USH2A: variants seen among roughly 807,000 people sequenced by gnomAD.
The protein encoded by USH2A is Usher syndrome 2A (autosomal recessive, mild).
A neutral mutation model predicts 538.9 loss-of-function variants in USH2A; 443 were observed. The observed-to-expected ratio is 0.82, with a 90% CI of 0.76 to 0.89. The LOEUF (loss-of-function observed/expected upper bound fraction) is 0.89, where lower values mean the gene tolerates loss of function less well. Ranked by LOEUF, USH2A falls within the 40% of genes least tolerant of loss-of-function variation. The pLI, the probability that USH2A is intolerant of heterozygous loss-of-function variation, is 0.00. For synonymous variants in USH2A, 2,413 were observed against 2,273.5 expected, an observed-to-expected ratio of 1.06 and a Z score of -1.75; for missense variants, 6,633 against 6,324.8, an observed-to-expected ratio of 1.05 and a Z score of -1.65.
At chr1:216,385,970 A>G (rs2038996705) in intron 3 of USH2A, among the ~76,000 whole-genome samples, 1 of 152,180 alleles carries the variant, frequency 6.6e-6, no homozygotes. Context: ...ATGAGAAGAA[A>G]TCACAACTTT....
chr1:216,246,604 C>A lies in USH2A; in HGVS notation c.2790G>T (p.Arg930Ser). 1 of 1,614,054 alleles carries A rather than the reference C, an allele frequency of 6.2e-7. No homozygotes were observed. The highest frequency in any genetic ancestry group is 1.1e-5 in the South Asian group (1 of 91,086). ...TCTTACCTGGTTGACACTGATTACA[C>A]CTTCTTCCTTGACGATTAGGCACAC... is the stretch of plus-strand genomic sequence containing the variant. ...CLCVPNRQGR[R>S]CNQCQPGFYI... Residue 930 changes from arginine (R) to serine (S), a missense_variant, in exon 13 of 72, where the codon AGG becomes AGT. By Grantham distance (110) the Arg-to-Ser change is moderately radical. Coordinates refer to ENST00000307340, the MANE Select transcript of USH2A (RefSeq NM_206933.4).
intron 35 of USH2A, among the ~76,000 whole-genome samples, chr1:215,989,897 T>C (rs1297198679): frequency 1.3e-5 from 2 of 152,110 alleles, no homozygotes; most frequent in Non-Finnish European, 1.5e-5. Context: ...CAGGGGTATT[T>C]TGATGATAAC....
chr1:215,650,602 G>T lies in USH2A; in HGVS notation c.14333C>A (p.Ala4778Asp), dbSNP rs113447586. Reference sequence around the variant, plus strand: ...AGCTCTGCTGCTCACCACTGTCTCAGCCCCATGGGCGCTGCTGGAGAACAG... The same window carrying T: ...AGCTCTGCTGCTCACCACTGTCTCATCCCCATGGGCGCTGCTGGAGAACAG... ...YRLFSSSAHG[A>D]ETVLSEGMAT... The change falls in exon 65 of 72, where the codon GCT (alanine) becomes GAT (aspartate). Residue 4778 changes from alanine to aspartate, a missense_variant. Ala to Asp is a moderately radical substitution (Grantham distance 126, BLOSUM62 -2). Coordinates refer to ENST00000307340, the MANE Select transcript of USH2A (RefSeq NM_206933.4). The T allele has an allele frequency of 1.5e-3, 2,350 of 1,614,152 alleles. 24 individuals are homozygous for T. In the African/African-American group the frequency reaches 0.028, roughly 19 times the overall value.
At chr1:216,342,852 G>A (rs1431936774) in intron 4 of USH2A, among the ~76,000 whole-genome samples, 2 of 152,040 alleles carry the variant, frequency 1.3e-5, no homozygotes, top group Non-Finnish European at 2.9e-5. Flanking sequence ...GGGGAGGGGA[G>A]AGAGAGCATC....
chr1:215,984,291 C>T (rs907399131), intron 35 of USH2A, among the ~76,000 whole-genome samples: 18 of 152,222 alleles, frequency 1.2e-4, no homozygotes, highest in African/African-American at 4.1e-4. Flanking sequence ...ATCAGTAAGA[C>T]AGCTGAAGCA....
chr1:215,627,389 C>T (rs937799052), intron 71 of USH2A, among the ~76,000 whole-genome samples: 6 of 12,230 alleles, frequency 4.9e-4, no homozygotes, highest in South Asian at 0.012. Flanking sequence ...TCCTTCTTTC[C>T]TTCCTTCCTT....
chr1:216,092,743 C>T (rs1010722382), intron 22 of USH2A, among the ~76,000 whole-genome samples: 7 of 152,104 alleles, frequency 4.6e-5, no homozygotes, highest in African/African-American at 1.7e-4. Context: ...TATAGAGAGC[C>T]TCATGGCCCG....
intron 61 of USH2A, among the ~76,000 whole-genome samples, chr1:215,714,250 T>C (rs1231841177): frequency 6.6e-6 from 1 of 152,070 alleles, no homozygotes; most frequent in Admixed American, 6.5e-5. Context: ...AAGCTAAATA[T>C]TAAAGAGAAA....
Position 215,673,969 on chromosome 1 carries a change from G to A in USH2A, c.13811+131C>T, listed in dbSNP as rs900122356. The A allele has an allele frequency of 1.9e-5, 29 of 1,514,006 alleles. No homozygotes were observed. The African/African-American group carries it at 2.1e-4, about 11-fold the overall frequency. 93.8% of individuals were successfully genotyped at this position (1,514,006 alleles called of 1,614,324 possible). A position where few individuals can be genotyped will look rare whatever the true frequency, so the allele number is the denominator to read the frequency against. ...AGGATGTGCTTTGTCTACTATGCAC[G>A]TTTAGGTGGATGGAGGTTGGGGACA... On this transcript the variant is annotated intron_variant, in intron 63 of 71. Transcript: ENST00000307340.
intron 41 of USH2A, among the ~76,000 whole-genome samples, chr1:215,880,936 A>C (rs1237806536): frequency 6.6e-6 from 1 of 152,108 alleles, no homozygotes; most frequent in Admixed American, 6.5e-5. Context: ...ATGTTTGTAT[A>C]AGGTATAAAA....
rs200459607 is a variant in USH2A at position 215,985,276 on chromosome 1, T to C, written c.6805+7744A>G. Among the ~76,000 whole-genome samples the C allele has an allele frequency of 1.5e-4, 23 of 152,318 alleles. No homozygotes were observed. The East Asian group carries it at 2.9e-3, about 19-fold the overall frequency. On this transcript the variant is annotated intron_variant, in intron 35 of 71. Coordinates refer to ENST00000307340, the MANE Select transcript of USH2A (RefSeq NM_206933.4). ...CAGAGAAAAACCAGAACACAGATCTTATGAATTTTAAATATTGGCACTAAG... is the reference window on the plus strand; with the variant it reads ...CAGAGAAAAACCAGAACACAGATCTCATGAATTTTAAATATTGGCACTAAG...
rs113030407 is a variant in USH2A, at chr1:216,127,224, T to C, written c.4628-30011A>G. Among the ~76,000 whole-genome samples the C allele has an allele frequency of 4.7e-3, 710 of 152,338 alleles. 2 individuals carry two copies. Among genetic ancestry groups the C allele is most frequent in the African/African-American group, 0.016 (681 of 41,578 alleles). On this transcript the variant is annotated intron_variant, in intron 21 of 71. Coordinates refer to ENST00000307340, the MANE Select transcript of USH2A (RefSeq NM_206933.4). Reference sequence around the variant, plus strand: ...AAAATGAGGAAAAAAATGTAAGCTATGCTCAAGTTCTTCTTAACGGCATTA... The same window carrying C: ...AAAATGAGGAAAAAAATGTAAGCTACGCTCAAGTTCTTCTTAACGGCATTA...
chr1:215,957,774 G>A lies in USH2A; in HGVS notation c.7120+7543C>T, dbSNP rs143995217. 1.0e-3 allele frequency among the ~76,000 whole-genome samples: 153 copies of A among 152,144 alleles called. 1 individual carries two copies. The highest frequency in any genetic ancestry group is 1.9e-3 in the Non-Finnish European group (131 of 68,000). ...GCTGCCTGACCCCCTAACTCATTACGGGAAAATGAATTCAGATTGCTTGAA... is the reference window on the plus strand; with the variant it reads ...GCTGCCTGACCCCCTAACTCATTACAGGAAAATGAATTCAGATTGCTTGAA... On this transcript the variant is annotated intron_variant, in intron 37 of 71. Coordinates refer to ENST00000307340, the MANE Select transcript of USH2A (RefSeq NM_206933.4).
intron 38 of USH2A, among the ~76,000 whole-genome samples, chr1:215,911,124 T>C (rs900166058): frequency 2.0e-5 from 3 of 151,980 alleles, no homozygotes; most frequent in Admixed American, 1.3e-4. Flanking sequence ...GATGTTTTGA[T>C]ACAGGCATGC....
intron 38 of USH2A, among the ~76,000 whole-genome samples, chr1:215,918,294 G>A (rs760083936): frequency 5.9e-5 from 9 of 152,046 alleles, no homozygotes; most frequent in South Asian, 2.1e-4. Flanking sequence ...TAATTCTTAC[G>A]TTGAAATTCT....
intron 47 of USH2A, among the ~76,000 whole-genome samples, chr1:215,818,268 A>C (rs1662915511): frequency 1.3e-5 from 2 of 151,948 alleles, no homozygotes; most frequent in Admixed American, 1.3e-4. Flanking sequence ...ATATATCTAG[A>C]GCTATTTACT....
intron 37 of USH2A, among the ~76,000 whole-genome samples, chr1:215,963,592 T>C (rs1247879352): frequency 6.6e-6 from 1 of 152,142 alleles, no homozygotes; most frequent in Non-Finnish European, 1.5e-5. Context: ...GCAGGCACTC[T>C]GTTCTTTATT....
At chr1:215,627,500 CCTT>C (rs1241458687) in intron 71 of USH2A, among the ~76,000 whole-genome samples, 2 of 146,934 alleles carry the variant, frequency 1.4e-5, no homozygotes, top group Admixed American at 1.4e-4. Context: ...TTCCTTCCTT[CCTT>C]CTTTCCTTCC....
At chr1:216,351,646 T>C (rs1046164885) in intron 4 of USH2A, among the ~76,000 whole-genome samples, 3 of 152,140 alleles carry the variant, frequency 2.0e-5, no homozygotes, top group Non-Finnish European at 2.9e-5. Context: ...TATGCTTGAC[T>C]GATATTTAAC....
Sources: allele counts gnomAD v4.1 joint callset (sites outside exome capture counted in the v4.1 genomes callset), GRCh38; gene constraint gnomAD v4.1.1; transcripts MANE v1.5; gene names NCBI Gene and HGNC (gene_info 2026-07-23, HGNC 2026-07-21).